The following COL22A1 variants were observed in gnomAD, a reference collection of about 807,000 sequenced individuals.
COL22A1 encodes collagen alpha-1(XXII) chain.
In COL22A1, 221 loss-of-function variants were observed where a neutral mutation model predicts 248.9. The ratio of observed to expected loss-of-function variants is 0.89; its 90% CI spans 0.80 to 0.99. COL22A1 has a LOEUF of 0.99. COL22A1 is among the 50% of genes least tolerant of loss of function. COL22A1 has a pLI of 0.00. For synonymous variants in COL22A1, 891 were observed against 793.4 expected (o/e 1.12, Z -2.07); for missense variants, 2,240 against 2,179.0 (o/e 1.03, Z -0.56).
chr8:138,687,469 T>A (rs968762456), intron 37 of COL22A1, among the ~76,000 whole-genome samples: 1 of 152,334 alleles, frequency 6.6e-6, no homozygotes, highest in South Asian at 2.1e-4. Flanking sequence ...AGGCACCAAG[T>A]AGATGAACTT....
chr8:138,897,949 G>A (rs1157679602), intron 1 of COL22A1, among the ~76,000 whole-genome samples: 1 of 152,086 alleles, frequency 6.6e-6, no homozygotes, highest in Non-Finnish European at 1.5e-5. Context: ...CACAGATTGG[G>A]TGTCTGGCAA....
chr8:138,859,326 T>C (rs1051070834), intron 3 of COL22A1, among the ~76,000 whole-genome samples: 4 of 152,166 alleles, frequency 2.6e-5, no homozygotes, highest in Non-Finnish European at 5.9e-5. Context: ...CTCCACCTTG[T>C]CAGGCCCCCC....
At chr8:138,882,425 CT>C in intron 2 of COL22A1, among the ~76,000 whole-genome samples, 1 of 151,592 alleles carries the variant, frequency 6.6e-6, no homozygotes, top group South Asian at 2.1e-4. Context: ...CTCACACTCC[CT>C]CACACACTTC....
At chr8:138,907,282 G>A (rs1016529559) in intron 1 of COL22A1, among the ~76,000 whole-genome samples, 1 of 152,226 alleles carries the variant, frequency 6.6e-6, no homozygotes, top group African/African-American at 2.4e-5. Context: ...TCCCCTACAA[G>A]GGGAGCTTGT....
chr8:138,694,667 G>A, intron 33 of COL22A1, 106 bp from the exon 34 acceptor site: 3 of 1,386,960 alleles, frequency 2.2e-6, no homozygotes, highest in South Asian at 1.3e-5. Context: ...ATCCAAGGAG[G>A]GGACGTAGCT....
At chr8:138,692,238 G>A (rs796391431) in intron 35 of COL22A1, among the ~76,000 whole-genome samples, 185 of 7,682 alleles carry the variant, frequency 0.024, no homozygotes, top group South Asian at 0.048. Flanking sequence ...GCATGTGCAT[G>A]TTTGTGGACG....
chr8:138,835,287 T>C (rs1370145925), intron 4 of COL22A1, among the ~76,000 whole-genome samples: 2 of 152,202 alleles, frequency 1.3e-5, no homozygotes, highest in East Asian at 3.8e-4. Context: ...GATATAATTG[T>C]TAAATGATAT....
intron 51 of COL22A1, among the ~76,000 whole-genome samples, chr8:138,624,404 G>A (rs930158318): frequency 2.6e-5 from 4 of 152,156 alleles, no homozygotes; most frequent in African/African-American, 9.7e-5. Flanking sequence ...CCAGTCTTTG[G>A]CTTAAGCCTA....
chr8:138,616,074 C>T lies in COL22A1; in HGVS notation c.3871-20G>A. On this transcript the variant is annotated intron_variant, in intron 54 of 64. Transcript: ENST00000303045. ...CTCTCCCTAGGAACAAAAAAGCCTG[C>T]TATTAGGGAAGGAGATGCTTCAGCC... is the stretch of plus-strand genomic sequence containing the variant. 1.2e-6 allele frequency: 2 copies of T among 1,605,452 alleles called. No homozygotes were observed. Among genetic ancestry groups the T allele is most frequent in the Non-Finnish European group, 1.7e-6 (2 of 1,172,986 alleles).
At chr8:138,860,122 C>T (rs1453321358) in intron 3 of COL22A1, among the ~76,000 whole-genome samples, 1 of 152,230 alleles carries the variant, frequency 6.6e-6, no homozygotes, top group Non-Finnish European at 1.5e-5. Flanking sequence ...CTCTTCTCCA[C>T]CCTGTCCCTC....
intron 30 of COL22A1, among the ~76,000 whole-genome samples, chr8:138,711,184 C>T (rs1444564468): frequency 6.6e-6 from 1 of 152,146 alleles, no homozygotes; most frequent in East Asian, 1.9e-4. Flanking sequence ...TCCTCCATGA[C>T]GTGTTTGACT....
chr8:138,624,175 G>A (rs1820063707), intron 51 of COL22A1, among the ~76,000 whole-genome samples: 1 of 152,182 alleles, frequency 6.6e-6, no homozygotes, highest in African/African-American at 2.4e-5. Context: ...GGATGCTGAC[G>A]ATGATAATGA....
chr8:138,899,282 C>T (rs971712642), intron 1 of COL22A1, among the ~76,000 whole-genome samples: 14 of 152,142 alleles, frequency 9.2e-5, no homozygotes, highest in African/African-American at 3.4e-4. Flanking sequence ...GACATGAATA[C>T]AGAGAGTATA....
At chr8:138,613,645 T>C (rs983387221) in intron 56 of COL22A1, among the ~76,000 whole-genome samples, 2 of 151,662 alleles carry the variant, frequency 1.3e-5, no homozygotes, top group African/African-American at 4.8e-5. Context: ...CGTGGCACCT[T>C]TGTAATTTTT....
chr8:138,619,028 C>A (rs1369015588), intron 53 of COL22A1, among the ~76,000 whole-genome samples: 3 of 151,962 alleles, frequency 2.0e-5, no homozygotes, highest in African/African-American at 7.3e-5. Context: ...CTTCTCAATA[C>A]CATTTTTTGT....
chr8:138,754,625 C>G (rs896937563), intron 21 of COL22A1, among the ~76,000 whole-genome samples: 3 of 152,180 alleles, frequency 2.0e-5, no homozygotes, highest in African/African-American at 4.8e-5. Context: ...TCTGAACTCA[C>G]ATCATAAGAT....
chr8:138,689,815 G>A (rs1441724264), intron 36 of COL22A1, among the ~76,000 whole-genome samples: 3 of 152,190 alleles, frequency 2.0e-5, no homozygotes, highest in African/African-American at 7.2e-5. Context: ...CTGGGATCCT[G>A]TGCAGGACGT....
chr8:138,862,044 A>G (rs534505621), intron 3 of COL22A1, among the ~76,000 whole-genome samples: 4,424 of 148,672 alleles, frequency 0.03, 95 homozygotes, highest in Non-Finnish European at 0.043. Flanking sequence ...AAAAAAAAAA[A>G]AAAGAAAAAA....
At chr8:138,605,550 C>T (rs1818357748) in intron 58 of COL22A1, among the ~76,000 whole-genome samples, 1 of 152,174 alleles carries the variant, frequency 6.6e-6, no homozygotes, top group African/African-American at 2.4e-5. Flanking sequence ...GTAAGAGGGG[C>T]TACCACCTCC....
Sources: allele counts gnomAD v4.1 joint callset (sites outside exome capture counted in the v4.1 genomes callset), GRCh38; gene constraint gnomAD v4.1.1; transcripts MANE v1.5; gene names NCBI Gene and HGNC (gene_info 2026-07-23, HGNC 2026-07-21).